Variants in CFAP53 observed in about 807,000 individuals in gnomAD.
CFAP53 encodes the protein cilia and flagella associated protein 53, also known as cilia- and flagella-associated protein 53.
Under a neutral mutation model 59.7 loss-of-function variants are expected in CFAP53, and 62 were observed. That is an observed-to-expected ratio of 1.04 (90% CI 0.85 to 1.28). The LOEUF (loss-of-function observed/expected upper bound fraction) is 1.28, where lower values mean the gene tolerates loss of function less well. Among genes scored for constraint, CFAP53 ranks in the 50% most tolerant of loss-of-function variants. The pLI, the probability that CFAP53 is intolerant of heterozygous loss-of-function variation, is 0.00. For synonymous variants in CFAP53, 218 were observed against 205.7 expected, an observed-to-expected ratio of 1.06 and a Z score of -0.51; for missense variants, 629 against 615.6, an observed-to-expected ratio of 1.02 and a Z score of -0.23.
chr18:50,257,497 T>G (rs1465989133), intron 3 of CFAP53, among the ~76,000 whole-genome samples: 1 of 152,024 alleles, frequency 6.6e-6, no homozygotes, highest in African/African-American at 2.4e-5. Flanking sequence ...AAAAAGAAAT[T>G]TAAAAAGTTA....
In CFAP53 at chr18:50,266,410, A is replaced by G. The variant is rs2033980988; in HGVS notation, c.-6T>C. ...CCAAACCGCTGGCTGTACATTTTCG[A>G]GTCCCCTTCGGGACGGGGGCGGCGT... On this transcript the variant is annotated 5_prime_UTR_variant, in exon 1 of 8. Transcript: ENST00000398545. 5 of 1,614,102 alleles carry G rather than the reference A, an allele frequency of 3.1e-6. No homozygotes were observed. The South Asian group carries it at 5.5e-5, about 18-fold the overall frequency.
At chr18:50,265,643 G>A (rs769979102) in intron 1 of CFAP53, among the ~76,000 whole-genome samples, 1 of 152,140 alleles carries the variant, frequency 6.6e-6, no homozygotes, top group Non-Finnish European at 1.5e-5. Context: ...TAGTTTTCTG[G>A]TGGGTAGAAA....
At chr18:50,237,351 T>TATATATATATATATATATATATATATAC (rs67836600) in intron 7 of CFAP53, among the ~76,000 whole-genome samples, 4 of 16,330 alleles carry the variant, frequency 2.4e-4, no homozygotes, top group East Asian at 3.3e-3. Flanking sequence ...TATATATATA[T>TATATATATATATATATATATATATATAC]ACGCACACAT....
intron 6 of CFAP53, among the ~76,000 whole-genome samples, chr18:50,239,397 A>C (rs891396286): frequency 2.6e-5 from 4 of 152,172 alleles, no homozygotes; most frequent in Non-Finnish European, 5.9e-5. Context: ...TAAGTTAAAA[A>C]TATTTAAGCA....
At chr18:50,237,657 C>T (rs985191658) in intron 7 of CFAP53, among the ~76,000 whole-genome samples, 5 of 151,898 alleles carry the variant, frequency 3.3e-5, no homozygotes, top group African/African-American at 1.2e-4. Flanking sequence ...ACACTGGCTG[C>T]CTGATTTAGG....
At chr18:50,232,129 G>T (rs76764599) in intron 7 of CFAP53, among the ~76,000 whole-genome samples, 1 of 152,194 alleles carries the variant, frequency 6.6e-6, no homozygotes, top group East Asian at 1.9e-4. Context: ...CTGAGAGAAA[G>T]TGCAGTTTGT....
At chr18:50,241,976 C>A (rs1428962474) in intron 6 of CFAP53, among the ~76,000 whole-genome samples, 2 of 152,162 alleles carry the variant, frequency 1.3e-5, no homozygotes, top group African/African-American at 4.8e-5. Flanking sequence ...CCGCATAAGA[C>A]AGACACTCCC....
intron 6 of CFAP53, among the ~76,000 whole-genome samples, chr18:50,240,896 A>G (rs2033684335): frequency 6.6e-6 from 1 of 152,240 alleles, no homozygotes; most frequent in Non-Finnish European, 1.5e-5. Context: ...TGGGCTGGAC[A>G]TGGAAATGGC....
intron 6 of CFAP53, among the ~76,000 whole-genome samples, chr18:50,239,055 TTATTA>T (rs2033663769): frequency 6.7e-6 from 1 of 148,260 alleles, no homozygotes; most frequent in Admixed American, 6.8e-5. Context: ...AATTTATTAT[TTATTA>T]TATATTTATT....
At chr18:50,259,187 T>C (rs1440022577) in intron 3 of CFAP53, among the ~76,000 whole-genome samples, 18 of 152,156 alleles carry the variant, frequency 1.2e-4, no homozygotes, top group Non-Finnish European at 1.5e-5. Flanking sequence ...ACAGCTAAGA[T>C]TTGGAAGCAA....
Position 50,261,080 on chromosome 18 carries a change from G to C in CFAP53, c.457C>G (p.Leu153Val). The change falls in exon 3 of 8, where the codon CTA becomes GTA. Residue 153 changes from leucine (L) to valine (V), a missense_variant. Coordinates refer to ENST00000398545, the MANE Select transcript of CFAP53 (RefSeq NM_145020.5). ...TTTCATTACCTGAATTGCTGGTCTA[G>C]CTTTTCAGCCACAAAATCCTGCCTC... Reference protein sequence around the residue: ...KERQDFVAEKLDQQFRERCEE... With the variant: ...KERQDFVAEKVDQQFRERCEE... 1 of 1,597,470 alleles carries C rather than the reference G, an allele frequency of 6.3e-7. No homozygotes were observed. Among genetic ancestry groups the C allele is most frequent in the Non-Finnish European group, 8.5e-7 (1 of 1,175,924 alleles).
At chr18:50,228,958 G>C (rs577235363) in intron 7 of CFAP53, among the ~76,000 whole-genome samples, 1 of 152,000 alleles carries the variant, frequency 6.6e-6, no homozygotes, top group Non-Finnish European at 1.5e-5. Flanking sequence ...AAACTAGCCA[G>C]GCATGGTGGC....
At chr18:50,251,822 T>G in intron 3 of CFAP53, 38 bp from the exon 4 acceptor site, 1 of 1,566,048 alleles carries the variant, frequency 6.4e-7, no homozygotes, top group Non-Finnish European at 8.7e-7. Flanking sequence ...ACCCAGCCTT[T>G]CGTGAGGCAC....
At chr18:50,263,244 T>G (rs1025682655) in intron 1 of CFAP53, among the ~76,000 whole-genome samples, 1 of 152,194 alleles carries the variant, frequency 6.6e-6, no homozygotes, top group African/African-American at 2.4e-5. Context: ...GGAACAGTTT[T>G]ATCAAGTCAT....
intron 7 of CFAP53, among the ~76,000 whole-genome samples, chr18:50,234,936 T>C (rs995557489): frequency 7.2e-5 from 11 of 152,218 alleles, no homozygotes; most frequent in African/African-American, 2.7e-4. Context: ...TATCACCATC[T>C]TAGTCCAGCA....
At chr18:50,264,331 T>A (rs2033918168) in intron 1 of CFAP53, among the ~76,000 whole-genome samples, 1 of 152,234 alleles carries the variant, frequency 6.6e-6, no homozygotes, top group South Asian at 2.1e-4. Context: ...GATTACAATT[T>A]ACAGTTCGGT....
chr18:50,232,043 G>T (rs2033588663), intron 7 of CFAP53, among the ~76,000 whole-genome samples: 1 of 152,148 alleles, frequency 6.6e-6, no homozygotes. Flanking sequence ...TAATAGGTGG[G>T]ACACCCCTTT....
At chr18:50,232,491 A>G (rs2144401699) in intron 7 of CFAP53, among the ~76,000 whole-genome samples, 1 of 152,308 alleles carries the variant, frequency 6.6e-6, no homozygotes, top group East Asian at 1.9e-4. Context: ...GATAACTGCC[A>G]TCAGTGCAAA....
At chr18:50,232,992 A>G (rs1391754341) in intron 7 of CFAP53, among the ~76,000 whole-genome samples, 1 of 152,216 alleles carries the variant, frequency 6.6e-6, no homozygotes, top group Non-Finnish European at 1.5e-5. Context: ...AGCTGGTTAC[A>G]TATTATGGTA....
Sources: allele counts gnomAD v4.1 joint callset (sites outside exome capture counted in the v4.1 genomes callset), GRCh38; gene constraint gnomAD v4.1.1; transcripts MANE v1.5; gene names NCBI Gene and HGNC (gene_info 2026-07-23, HGNC 2026-07-21).